Variants in CNTN4 observed in about 807,000 individuals in gnomAD.
CNTN4 encodes contactin 4, also known as contactin-4.
In CNTN4, 77 loss-of-function variants were observed where a neutral mutation model predicts 122.5. That is an observed-to-expected ratio of 0.63 (90% confidence interval 0.52 to 0.76). The LOEUF (loss-of-function observed/expected upper bound fraction) is 0.76. Ranked by LOEUF, CNTN4 falls within the 30% of genes least tolerant of loss-of-function variation. CNTN4 has a pLI of 0.00. For synonymous variants in CNTN4, 512 were observed against 447.0 expected (o/e 1.15, Z -1.83); for missense variants, 1,256 against 1,259.1 (o/e 1.00, Z 0.04).
chr3:2,284,518 T>G (rs2041836138), intron 2 of CNTN4, among the ~76,000 whole-genome samples: 2 of 152,102 alleles, frequency 1.3e-5, no homozygotes, highest in African/African-American at 2.4e-5. Context: ...AAACTTCTCA[T>G]GTTTGCTTGA....
intron 2 of CNTN4, among the ~76,000 whole-genome samples, chr3:2,224,732 C>G (rs1290290999): frequency 1.3e-5 from 2 of 152,146 alleles, no homozygotes; most frequent in Non-Finnish European, 2.9e-5. Flanking sequence ...TTAAGATTTA[C>G]TAAAGTACAT....
At chr3:3,034,261 T>A (rs1228976854) in intron 16 of CNTN4, among the ~76,000 whole-genome samples, 1 of 152,182 alleles carries the variant, frequency 6.6e-6, no homozygotes, top group African/African-American at 2.4e-5. Context: ...TACCGTATCC[T>A]CAAATAACAC....
At chr3:2,146,095 A>AATTTGT (rs139728783) in intron 2 of CNTN4, among the ~76,000 whole-genome samples, 1 of 150,714 alleles carries the variant, frequency 6.6e-6, no homozygotes, top group Non-Finnish European at 1.5e-5. Context: ...ACATTATTTC[A>AATTTGT]ATTTATTTTA....
intron 3 of CNTN4, among the ~76,000 whole-genome samples, chr3:2,391,566 A>T (rs1408885930): frequency 1.3e-5 from 2 of 152,190 alleles, no homozygotes; most frequent in African/African-American, 4.8e-5. Flanking sequence ...CCCCCACACA[A>T]TATGAGTGAA....
chr3:2,330,775 T>G (rs1340657197), intron 2 of CNTN4, among the ~76,000 whole-genome samples: 2 of 152,158 alleles, frequency 1.3e-5, no homozygotes, highest in African/African-American at 2.4e-5. Flanking sequence ...ATAGTTAGAC[T>G]CTGGCATTCT....
rs58700294 is a variant in CNTN4, at chr3:2,552,675, G to A, written c.-88-18741G>A. On this transcript the variant is annotated intron_variant, in intron 3 of 24. Transcript: ENST00000418658. ...AAGTTATCTCTTTGGAAGGTGAGCT[G>A]GGTATCAAAGAGAGGAGACTTTATT... Among the ~76,000 whole-genome samples the A allele has an allele frequency of 9.5e-3, 1,445 of 152,260 alleles. 18 individuals are homozygous for A. The highest frequency in any genetic ancestry group is 0.033 in the African/African-American group (1,382 of 41,544).
At chr3:2,378,494 G>A (rs1391518808) in intron 3 of CNTN4, among the ~76,000 whole-genome samples, 1 of 152,132 alleles carries the variant, frequency 6.6e-6, no homozygotes, top group Non-Finnish European at 1.5e-5. Context: ...GGGAGAAAGT[G>A]GACCTTAATG....
At chr3:2,871,978 T>C (rs2093790003) in intron 8 of CNTN4, among the ~76,000 whole-genome samples, 1 of 152,160 alleles carries the variant, frequency 6.6e-6, no homozygotes, top group South Asian at 2.1e-4. Context: ...ACCTGTTGCT[T>C]AGGAACCATG....
intron 2 of CNTN4, among the ~76,000 whole-genome samples, chr3:2,208,575 A>G (rs1479231649): frequency 6.6e-6 from 1 of 152,206 alleles, no homozygotes; most frequent in African/African-American, 2.4e-5. Context: ...AAGGAGCAAT[A>G]GAGTTTGAGA....
intron 4 of CNTN4, among the ~76,000 whole-genome samples, chr3:2,573,598 A>G (rs1169266983): frequency 6.6e-6 from 1 of 152,218 alleles, no homozygotes; most frequent in Non-Finnish European, 1.5e-5. Flanking sequence ...CAATGTGCTA[A>G]GTAAATATCA....
rs1220761684 is a variant in CNTN4 at position 2,600,005 on chromosome 3, C to CTTTTTTTTTTTTTTTT, written c.55+28449_55+28450insTTTTTTTTTTTTTTTT. On this transcript the variant is annotated intron_variant, in intron 4 of 24. Transcript: ENST00000418658. ...CAACTCTATTTTGGTTTATGGAATT[C>CTTTTTTTTTTTTTTTT]TTCTTTTTTTTTTTTTTTTTTTTTT... 3.9e-4 allele frequency among the ~76,000 whole-genome samples: 11 copies of CTTTTTTTTTTTTTTTT among 28,270 alleles called. 3 individuals are homozygous for CTTTTTTTTTTTTTTTT. Among genetic ancestry groups the CTTTTTTTTTTTTTTTT allele is most frequent in the Non-Finnish European group, 8.5e-4 (9 of 10,616 alleles). The allele number at this position is 28,270 out of a possible 152,430, so 18.5% of individuals were successfully genotyped here.
At chr3:2,914,311 A>T (rs2094331953) in intron 12 of CNTN4, among the ~76,000 whole-genome samples, 1 of 152,158 alleles carries the variant, frequency 6.6e-6, no homozygotes, top group Non-Finnish European at 1.5e-5. Context: ...ATTAGAGCAG[A>T]GATAAAGGAA....
At chr3:3,029,186 C>T (rs983444894) in intron 15 of CNTN4, among the ~76,000 whole-genome samples, 1 of 152,148 alleles carries the variant, frequency 6.6e-6, no homozygotes, top group East Asian at 1.9e-4. Context: ...AAACAAAAGA[C>T]GTTTTGGGTT....
At chr3:2,109,317 A>G (rs910376096) in intron 2 of CNTN4, among the ~76,000 whole-genome samples, 1 of 152,146 alleles carries the variant, frequency 6.6e-6, no homozygotes, top group Non-Finnish European at 1.5e-5. Flanking sequence ...TTTGGTTCAT[A>G]AGAAAGTGAA....
chr3:2,613,853 G>T (rs1438832662), intron 4 of CNTN4, among the ~76,000 whole-genome samples: 1 of 152,028 alleles, frequency 6.6e-6, no homozygotes, highest in East Asian at 1.9e-4. Flanking sequence ...AATGAGCATT[G>T]AGTTTCTTTC....
At chr3:2,220,407 G>C (rs1010437086) in intron 2 of CNTN4, among the ~76,000 whole-genome samples, 2 of 152,124 alleles carry the variant, frequency 1.3e-5, no homozygotes, top group Admixed American at 6.5e-5. Context: ...ATGTTTCCAG[G>C]AATGTTGAGT....
intron 2 of CNTN4, among the ~76,000 whole-genome samples, chr3:2,317,499 C>T (rs1048273978): frequency 3.3e-5 from 5 of 152,246 alleles, no homozygotes; most frequent in Non-Finnish European, 4.4e-5. Context: ...CTGGATTTCG[C>T]GCTCCCTCTC....
chr3:2,100,681 A>G (rs2031863838), intron 2 of CNTN4, 42 bp downstream of exon 2: 1 of 152,182 alleles, frequency 6.6e-6, no homozygotes, highest in Admixed American at 6.5e-5. Flanking sequence ...TTCTTTAAAG[A>G]TTTTGTGGGA....
At chr3:2,633,201 G>A (rs1057145543) in intron 4 of CNTN4, among the ~76,000 whole-genome samples, 10 of 152,150 alleles carry the variant, frequency 6.6e-5, no homozygotes, top group South Asian at 2.1e-4. Flanking sequence ...ATAGCCCCAC[G>A]AAGGCTACAA....
Sources: allele counts gnomAD v4.1 joint callset (sites outside exome capture counted in the v4.1 genomes callset), GRCh38; gene constraint gnomAD v4.1.1; transcripts MANE v1.5; gene names NCBI Gene and HGNC (gene_info 2026-07-23, HGNC 2026-07-21).